The following LHFPL2 variants were observed in gnomAD, a reference collection of about 807,000 sequenced individuals.
LHFPL2 encodes the protein LHFPL tetraspan subfamily member 2.
LHFPL2 carries 7 observed loss-of-function variants against 17.5 expected under a neutral mutation model. That is an observed-to-expected ratio of 0.40 (90% CI 0.23 to 0.75). The LOEUF (loss-of-function observed/expected upper bound fraction) is 0.75, where lower values mean the gene tolerates loss of function less well. Among genes scored for constraint, LHFPL2 ranks in the 30% least tolerant of loss-of-function variants. The pLI is 0.37. For missense variants in LHFPL2, 241 were observed against 294.8 expected, an observed-to-expected ratio of 0.82 and a Z score of 1.34; for synonymous variants, 134 against 116.2, an observed-to-expected ratio of 1.15 and a Z score of -0.99.
intron 4 of LHFPL2, chr5:78,491,421 TC>T (rs1454753205): frequency 1.3e-5 from 2 of 152,276 alleles, no homozygotes; most frequent in Non-Finnish European, 2.9e-5. Context: ...AGCAGCCAGT[TC>T]CCCCAAGGCT....
At chr5:78,527,363 GT>G (rs35135294) in intron 3 of LHFPL2, among the ~76,000 whole-genome samples, 1,914 of 108,090 alleles carry the variant, frequency 0.018, 20 homozygotes, top group African/African-American at 0.054. Flanking sequence ...CTGATGAGGA[GT>G]TTTTTTTTTT....
At chr5:78,507,329 TAA>T (rs769112900) in intron 4 of LHFPL2, among the ~76,000 whole-genome samples, 4 of 139,482 alleles carry the variant, frequency 2.9e-5, no homozygotes, top group Non-Finnish European at 3.1e-5. Flanking sequence ...GAATCTGTCT[TAA>T]AAAAAAAAAA....
At chr5:78,557,894 G>A (rs1756623176) in intron 3 of LHFPL2, among the ~76,000 whole-genome samples, 1 of 152,202 alleles carries the variant, frequency 6.6e-6, no homozygotes, top group African/African-American at 2.4e-5. Context: ...TAGAAGGACA[G>A]GACCATTGTA....
rs557570318 is a variant in LHFPL2 at position 78,608,367 on chromosome 5, A to G, written c.-245+23897T>C. ...TAGGAGCAATATGAAAATATGGAACATAACAGATTGCCCAAAATGGAGACT... is the reference window on the plus strand; with the variant it reads ...TAGGAGCAATATGAAAATATGGAACGTAACAGATTGCCCAAAATGGAGACT... On this transcript the variant is annotated intron_variant, in intron 2 of 4. Transcript: ENST00000380345. Among the ~76,000 whole-genome samples the G allele has an allele frequency of 3.9e-5, 6 of 152,384 alleles. No individual in the cohort carries two copies. The South Asian group carries it at 1.2e-3, about 32-fold the overall frequency.
At chr5:78,530,863 G>A (rs922471647) in intron 3 of LHFPL2, among the ~76,000 whole-genome samples, 3 of 152,178 alleles carry the variant, frequency 2.0e-5, no homozygotes, top group South Asian at 4.1e-4. Context: ...CCTTGACAAC[G>A]GTGTCCCTTC....
rs915182550 is a variant in LHFPL2, at chr5:78,566,649, G to C, written c.-244-1778C>G. ...ATTTTTGTATTTTTAGTAGAGACAG[G>C]GTTTCAGCATGTTGGCCAGGCTGGT... On this transcript the variant is annotated intron_variant, in intron 2 of 4. Coordinates refer to ENST00000380345, the MANE Select transcript of LHFPL2 (RefSeq NM_005779.3). 1.1e-4 allele frequency among the ~76,000 whole-genome samples: 17 copies of C among 152,210 alleles called. No homozygotes were observed. The East Asian group carries it at 3.3e-3, about 29-fold the overall frequency.
In LHFPL2 at chr5:78,509,935, G is replaced by A. The variant is rs1392314897; in HGVS notation, c.279C>T (p.Ala93=). Residue 93 remains alanine, a synonymous_variant, in exon 4 of 5, where the codon GCC becomes GCT. Coordinates refer to ENST00000380345, the MANE Select transcript of LHFPL2 (RefSeq NM_005779.3). ...TAGCTGTGGCCTGCCAGAAGCCGCT[G>A]GCGATCTCGCCGAAGCTCTCGGCGT... ...GPYAESFGEI[A]SGFWQATAIF... The A allele has an allele frequency of 2.5e-6, 4 of 1,613,682 alleles. No individual in the cohort carries two copies. The highest frequency in any genetic ancestry group is 2.2e-5 in the South Asian group (2 of 91,090).
intron 2 of LHFPL2, among the ~76,000 whole-genome samples, chr5:78,580,819 T>A (rs1261301225): frequency 4.6e-5 from 7 of 152,086 alleles, no homozygotes; most frequent in African/African-American, 1.4e-4. Context: ...AGGATTGACT[T>A]AGCGATGCGG....
intron 4 of LHFPL2, among the ~76,000 whole-genome samples, chr5:78,505,510 G>GCT (rs948142312): frequency 1.3e-5 from 2 of 152,148 alleles, no homozygotes; most frequent in African/African-American, 2.4e-5. Context: ...CAATTTGACT[G>GCT]CTCTCTCCTG....
chr5:78,528,369 C>T (rs1755681018), intron 3 of LHFPL2, among the ~76,000 whole-genome samples: 1 of 152,180 alleles, frequency 6.6e-6, no homozygotes, highest in African/African-American at 2.4e-5. Context: ...TCAACAGTGG[C>T]ATTAGATTCT....
At chr5:78,530,803 T>C (rs751973819) in intron 3 of LHFPL2, among the ~76,000 whole-genome samples, 1 of 152,214 alleles carries the variant, frequency 6.6e-6, no homozygotes, top group Non-Finnish European at 1.5e-5. Flanking sequence ...AGGATTAGGA[T>C]TGTTTCTTAT....
At chr5:78,575,261 A>G (rs1289315216) in intron 2 of LHFPL2, among the ~76,000 whole-genome samples, 1 of 152,180 alleles carries the variant, frequency 6.6e-6, no homozygotes, top group Non-Finnish European at 1.5e-5. Flanking sequence ...AAACCACCAC[A>G]TGGAGGGCCA....
Position 78,486,079 on chromosome 5 carries a change from A to G in LHFPL2, c.*2818T>C, listed in dbSNP as rs1446438952. On this transcript the variant is annotated 3_prime_UTR_variant, in exon 5 of 5. Transcript: ENST00000380345. Reference sequence around the variant, plus strand: ...ATCTTTCACACAAACTTGTGTATGTATAATATACATATATATTTTTAAATA... The same window carrying G: ...ATCTTTCACACAAACTTGTGTATGTGTAATATACATATATATTTTTAAATA... 6.6e-6 allele frequency: 1 copy of G among 152,558 alleles called. No homozygotes were observed. The highest frequency in any genetic ancestry group is 1.5e-5 in the Non-Finnish European group (1 of 68,038). The allele number at this position is 152,558 out of a possible 1,614,324, so 9.5% of individuals were successfully genotyped here. A position where few individuals can be genotyped will look rare whatever the true frequency, so the allele number is the denominator to read the frequency against.
chr5:78,537,525 G>T (rs913879996), intron 3 of LHFPL2, among the ~76,000 whole-genome samples: 1 of 152,310 alleles, frequency 6.6e-6, no homozygotes, highest in South Asian at 2.1e-4. Context: ...CACAGGCAAG[G>T]GACCTGGAGA....
intron 3 of LHFPL2, among the ~76,000 whole-genome samples, chr5:78,524,504 G>A (rs1051484914): frequency 6.6e-6 from 1 of 152,146 alleles, no homozygotes; most frequent in African/African-American, 2.4e-5. Flanking sequence ...CACTTTGGGA[G>A]GCCAGGGCAG....
intron 2 of LHFPL2, among the ~76,000 whole-genome samples, chr5:78,623,229 C>T (rs1361306153): frequency 6.6e-6 from 1 of 152,106 alleles, no homozygotes; most frequent in African/African-American, 2.4e-5. Context: ...AGGAAGAAAA[C>T]CACGAATATG....
At chr5:78,582,578 C>T (rs1289694807) in intron 2 of LHFPL2, among the ~76,000 whole-genome samples, 7 of 151,390 alleles carry the variant, frequency 4.6e-5, no homozygotes, top group Non-Finnish European at 1.0e-4. Context: ...TGTTCAGTTT[C>T]CATGTAGTTG....
intron 3 of LHFPL2, among the ~76,000 whole-genome samples, chr5:78,514,979 A>T (rs1580764344): frequency 6.6e-6 from 1 of 152,332 alleles, no homozygotes; most frequent in East Asian, 1.9e-4. Context: ...ACATTTTCTG[A>T]ACTATCTGAA....
intron 2 of LHFPL2, among the ~76,000 whole-genome samples, chr5:78,596,559 T>C (rs1032067502): frequency 1.3e-5 from 2 of 152,216 alleles, no homozygotes; most frequent in African/African-American, 4.8e-5. Context: ...ATGATTGACC[T>C]TCCTTGGCAA....
Sources: gnomAD v4.1 joint callset for allele counts (sites outside exome capture counted in the v4.1 genomes callset) on GRCh38, gnomAD v4.1.1 for gene constraint, MANE v1.5 for transcripts, NCBI Gene and HGNC (gene_info 2026-07-23, HGNC 2026-07-21) for gene names.